METTL24: variants seen among roughly 807,000 people sequenced by gnomAD.
The protein encoded by METTL24 is methyltransferase like 24.
METTL24 carries 29 observed loss-of-function variants against 32.7 expected under a neutral mutation model. The ratio of observed to expected loss-of-function variants is 0.89; its 90% CI spans 0.66 to 1.21. The LOEUF (loss-of-function observed/expected upper bound fraction) is 1.21, where lower values mean the gene tolerates loss of function less well. METTL24 is among the 50% of genes most tolerant of loss of function. METTL24 has a pLI of 0.00. For synonymous variants in METTL24, 163 were observed against 179.5 expected (o/e 0.91, Z 0.73); for missense variants, 439 against 468.1 (o/e 0.94, Z 0.57).
At chr6:110,269,513 G>A (rs1312271352) in intron 4 of METTL24, among the ~76,000 whole-genome samples, 1 of 152,106 alleles carries the variant, frequency 6.6e-6, no homozygotes, top group Non-Finnish European at 1.5e-5. Flanking sequence ...TGATCCCATA[G>A]TAGTAAAAAT....
At chr6:110,325,714 G>C (rs1364486659) in intron 1 of METTL24, among the ~76,000 whole-genome samples, 4 of 152,194 alleles carry the variant, frequency 2.6e-5, no homozygotes, top group Non-Finnish European at 4.4e-5. Context: ...TTTGAAGGGT[G>C]AGAAAAATGG....
chr6:110,289,993 C>T (rs917618496), intron 4 of METTL24, among the ~76,000 whole-genome samples: 8 of 151,978 alleles, frequency 5.3e-5, no homozygotes, highest in African/African-American at 1.5e-4. Flanking sequence ...GCTTTGTTGC[C>T]CAGGCTGGAG....
chr6:110,307,936 G>A (rs17071424), intron 3 of METTL24, among the ~76,000 whole-genome samples: 45,110 of 152,114 alleles, frequency 0.3, 11,740 homozygotes, highest in African/African-American at 0.7. Flanking sequence ...AGAAGTAACT[G>A]CAAACTTTTC....
intron 4 of METTL24, among the ~76,000 whole-genome samples, chr6:110,261,523 T>G (rs2114700009): frequency 6.6e-6 from 1 of 152,302 alleles, no homozygotes; most frequent in Admixed American, 6.5e-5. Context: ...AATGGGAGAC[T>G]TTAACACACC....
intron 1 of METTL24, among the ~76,000 whole-genome samples, chr6:110,338,230 C>G (rs1343688314): frequency 1.3e-5 from 2 of 152,168 alleles, no homozygotes; most frequent in East Asian, 3.8e-4. Context: ...GGTGTGGTGG[C>G]TCACACCTGT....
intron 4 of METTL24, among the ~76,000 whole-genome samples, chr6:110,296,832 C>T (rs1355711317): frequency 6.6e-6 from 1 of 152,196 alleles, no homozygotes; most frequent in Admixed American, 6.5e-5. Flanking sequence ...GCCGCAGCCA[C>T]ATCCTATTTA....
At chr6:110,324,865 T>C (rs1293693573) in intron 1 of METTL24, among the ~76,000 whole-genome samples, 2 of 152,174 alleles carry the variant, frequency 1.3e-5, no homozygotes, top group African/African-American at 2.4e-5. Flanking sequence ...CACTGGTAAA[T>C]AGAGATATGA....
chr6:110,287,151 A>T (rs749763792), intron 4 of METTL24, among the ~76,000 whole-genome samples: 1 of 152,198 alleles, frequency 6.6e-6, no homozygotes, highest in Non-Finnish European at 1.5e-5. Flanking sequence ...TGGTTTGAAA[A>T]ATATTCAGAA....
At chr6:110,275,874 A>G (rs7756496) in intron 4 of METTL24, among the ~76,000 whole-genome samples, 13,852 of 152,266 alleles carry the variant, frequency 0.091, 1,167 homozygotes, top group African/African-American at 0.23. Context: ...CATACCATGA[A>G]CCTCTGCAGA....
At chr6:110,343,996 T>C (rs1027071014) in intron 1 of METTL24, among the ~76,000 whole-genome samples, 5 of 152,180 alleles carry the variant, frequency 3.3e-5, no homozygotes, top group Non-Finnish European at 7.3e-5. Flanking sequence ...ACTGAACTTA[T>C]AGTACATGGC....
intron 1 of METTL24, among the ~76,000 whole-genome samples, chr6:110,348,676 G>A (rs934963444): frequency 3.3e-5 from 5 of 152,252 alleles, no homozygotes; most frequent in African/African-American, 4.8e-5. Context: ...TTTGGAGGTC[G>A]TTCAACCAGC....
intron 4 of METTL24, among the ~76,000 whole-genome samples, chr6:110,265,449 C>A (rs1273824282): frequency 7.0e-6 from 1 of 143,856 alleles, no homozygotes; most frequent in Non-Finnish European, 1.6e-5. Context: ...TCTTCTTCAA[C>A]AACAAAACCC....
intron 4 of METTL24, among the ~76,000 whole-genome samples, chr6:110,251,710 T>A (rs1251974327): frequency 2.0e-5 from 3 of 152,174 alleles, no homozygotes; most frequent in African/African-American, 7.2e-5. Context: ...CACCTAAGTA[T>A]CCTCACATGG....
In METTL24 at chr6:110,262,964, G is replaced by A. The variant is rs1253072278; in HGVS notation, c.787-16704C>T. ...TCAATAAATTAGGTATTGATGGGAC[G>A]TATCTCAAAATAATCAGAGCTATTA... On this transcript the variant is annotated intron_variant, in intron 4 of 4. Coordinates refer to ENST00000338882, the MANE Select transcript of METTL24 (RefSeq NM_001123364.3). Among the ~76,000 whole-genome samples, 15 of 152,078 alleles carry A rather than the reference G, an allele frequency of 9.9e-5. No homozygotes were observed. The East Asian group carries it at 1.7e-3, about 18-fold the overall frequency.
intron 1 of METTL24, among the ~76,000 whole-genome samples, chr6:110,355,760 A>G (rs1012111169): frequency 6.6e-6 from 1 of 152,182 alleles, no homozygotes; most frequent in Admixed American, 6.5e-5. Context: ...GAGAGAAATA[A>G]CTGCTCCTCC....
At chr6:110,280,018 A>G (rs7749663) in intron 4 of METTL24, among the ~76,000 whole-genome samples, 34,155 of 152,086 alleles carry the variant, frequency 0.22, 5,704 homozygotes, top group African/African-American at 0.48. Context: ...AAGAGACAGG[A>G]AGTAGGTGCT....
At chr6:110,337,322 C>G (rs1772256952) in intron 1 of METTL24, among the ~76,000 whole-genome samples, 1 of 152,076 alleles carries the variant, frequency 6.6e-6, no homozygotes, top group East Asian at 1.9e-4. Flanking sequence ...CTATTGGGTA[C>G]TAGGCTCAAT....
intron 4 of METTL24, among the ~76,000 whole-genome samples, chr6:110,276,122 A>G (rs1214023732): frequency 1.3e-5 from 2 of 152,128 alleles, no homozygotes; most frequent in South Asian, 2.1e-4. Context: ...ATGAACAACT[A>G]TGTGAGAAAC....
intron 1 of METTL24, among the ~76,000 whole-genome samples, chr6:110,336,419 C>A (rs1772229459): frequency 6.6e-6 from 1 of 152,172 alleles, no homozygotes; most frequent in South Asian, 2.1e-4. Flanking sequence ...CTGATTCATG[C>A]AAGCACCTAC....
Sources: allele counts gnomAD v4.1 joint callset (sites outside exome capture counted in the v4.1 genomes callset), GRCh38; gene constraint gnomAD v4.1.1; transcripts MANE v1.5; gene names NCBI Gene and HGNC (gene_info 2026-07-23, HGNC 2026-07-21).